ARB2A: variants seen among roughly 807,000 people sequenced by gnomAD.
ARB2A encodes the protein ARB2 cotranscriptional regulator A.
the ARB2A span, among the ~76,000 whole-genome samples, chr5:93,817,087 A>ACAC: frequency 2.8e-5 from 4 of 144,344 alleles, no homozygotes; most frequent in East Asian, 7.9e-4. Flanking sequence ...AATACACACA[A>ACAC]ACACACACAC....
At chr5:93,781,823 T>A in the ARB2A span, 1 of 914,166 alleles carries the variant, frequency 1.1e-6, no homozygotes, top group Non-Finnish European at 1.3e-6. Context: ...CTTACATGTA[T>A]CACATTAATT....
the ARB2A span, chr5:93,805,628 C>T: frequency 1.0e-6 from 1 of 985,100 alleles, no homozygotes; most frequent in Non-Finnish European, 1.2e-6. Flanking sequence ...TACATTTCTC[C>T]AATTTGGGTC....
chr5:93,738,184 A>G, the ARB2A span: 7 of 167,792 alleles, frequency 4.2e-5, no homozygotes, highest in Non-Finnish European at 7.7e-5. Context: ...AATAGACAAT[A>G]AGCATATGAA....
chr5:93,824,582 G>A, the ARB2A span, among the ~76,000 whole-genome samples: 1 of 152,194 alleles, frequency 6.6e-6, no homozygotes, highest in African/African-American at 2.4e-5. Flanking sequence ...AAAGAACTCC[G>A]GGTCCTGGTA....
chr5:94,098,233 C>G, the ARB2A span, among the ~76,000 whole-genome samples: 1 of 152,166 alleles, frequency 6.6e-6, no homozygotes. Flanking sequence ...CATCAGGCCA[C>G]AAAGATGAAG....
At chr5:93,837,766 G>A in the ARB2A span, among the ~76,000 whole-genome samples, 3 of 151,970 alleles carry the variant, frequency 2.0e-5, no homozygotes, top group Non-Finnish European at 1.5e-5. Context: ...GATTACTGAT[G>A]CTGTGCATTT....
chr5:93,662,202 G>A, the ARB2A span, among the ~76,000 whole-genome samples: 5 of 152,118 alleles, frequency 3.3e-5, no homozygotes, highest in African/African-American at 1.2e-4. Flanking sequence ...TATTTTCTGT[G>A]AGAATCTTCT....
chr5:94,050,723 T>C, the ARB2A span: 1 of 1,585,456 alleles, frequency 6.3e-7, no homozygotes. Context: ...GTAGTATATG[T>C]GACATACCTC....
chr5:93,892,585 T>TG, the ARB2A span, among the ~76,000 whole-genome samples: 307 of 150,900 alleles, frequency 2.0e-3, 1 homozygote, highest in Admixed American at 3.6e-3. Context: ...ATACTACCTC[T>TG]GGGGGGGGGA....
the ARB2A span, among the ~76,000 whole-genome samples, chr5:93,945,314 T>G: frequency 6.6e-6 from 1 of 151,340 alleles, no homozygotes; most frequent in Non-Finnish European, 1.5e-5. Flanking sequence ...CTTGGGAGTC[T>G]GAGGCAGGAA....
At chr5:93,855,063 A>T in the ARB2A span, among the ~76,000 whole-genome samples, 42 of 152,104 alleles carry the variant, frequency 2.8e-4, no homozygotes, top group Non-Finnish European at 4.4e-5. Context: ...TGGGGTGTTA[A>T]AGTCTCCCAT....
the ARB2A span, among the ~76,000 whole-genome samples, chr5:93,898,965 T>C: frequency 6.6e-6 from 1 of 152,092 alleles, no homozygotes; most frequent in Non-Finnish European, 1.5e-5. Flanking sequence ...AAATAAATGG[T>C]AGAAATGGGA....
At chr5:93,879,559 T>C in the ARB2A span, among the ~76,000 whole-genome samples, 4 of 151,350 alleles carry the variant, frequency 2.6e-5, no homozygotes, top group South Asian at 8.3e-4. Flanking sequence ...GTCTTAACAA[T>C]GAAGCAACAT....
At chr5:94,073,302 C>T in the ARB2A span, among the ~76,000 whole-genome samples, 3 of 151,906 alleles carry the variant, frequency 2.0e-5, no homozygotes, top group African/African-American at 7.3e-5. Context: ...CCATTTGTAC[C>T]CAGCATTATT....
chr5:93,686,620 T>C, the ARB2A span, among the ~76,000 whole-genome samples: 4 of 152,226 alleles, frequency 2.6e-5, no homozygotes, highest in East Asian at 3.9e-4. Flanking sequence ...TGGAAGATCA[T>C]GGTCCAACAT....
the ARB2A span, among the ~76,000 whole-genome samples, chr5:93,909,167 A>T: frequency 6.6e-6 from 1 of 151,112 alleles, no homozygotes; most frequent in South Asian, 2.1e-4. Flanking sequence ...ACTTAATGAC[A>T]TATCACAAGA....
the ARB2A span, among the ~76,000 whole-genome samples, chr5:93,996,250 T>C: frequency 6.6e-6 from 1 of 152,096 alleles, no homozygotes; most frequent in Admixed American, 6.6e-5. Context: ...TATACATCCA[T>C]ATATACACTA....
chr5:93,715,629 A>G, the ARB2A span, among the ~76,000 whole-genome samples: 5 of 149,804 alleles, frequency 3.3e-5, no homozygotes, highest in African/African-American at 1.2e-4. Context: ...CTTTGCACTG[A>G]TCCTTTCCCC....
the ARB2A span, among the ~76,000 whole-genome samples, chr5:93,897,268 C>T: frequency 2.6e-5 from 4 of 151,924 alleles, no homozygotes; most frequent in Non-Finnish European, 5.9e-5. Flanking sequence ...AACATAAAGA[C>T]TTATTTATTA....
Sources: gnomAD v4.1 joint callset for allele counts (sites outside exome capture counted in the v4.1 genomes callset) on GRCh38, gnomAD v4.1.1 for gene constraint, MANE v1.5 for transcripts, NCBI Gene and HGNC (gene_info 2026-07-23, HGNC 2026-07-21) for gene names.